Variants in SLC28A1 observed in about 807,000 individuals in gnomAD.
SLC28A1 encodes the protein sodium/nucleoside cotransporter 1.
SLC28A1 carries 64 observed loss-of-function variants against 74.8 expected under a neutral mutation model. That is an observed-to-expected ratio of 0.86 (90% confidence interval 0.70 to 1.05). The LOEUF is 1.05. Among genes scored for constraint, SLC28A1 ranks in the 50% least tolerant of loss-of-function variants. The pLI, the probability that SLC28A1 is intolerant of heterozygous loss-of-function variation, is 0.00. For synonymous variants in SLC28A1, 359 were observed against 335.0 expected, an observed-to-expected ratio of 1.07 and a Z score of -0.78; for missense variants, 828 against 822.8, an observed-to-expected ratio of 1.01 and a Z score of -0.08.
intron 12 of SLC28A1, among the ~76,000 whole-genome samples, chr15:84,932,632 A>G (rs1288234751): frequency 6.6e-6 from 1 of 152,190 alleles, no homozygotes; most frequent in Non-Finnish European, 1.5e-5. Context: ...ACATACCTAC[A>G]CTAAGGTGGA....
chr15:84,888,729 G>A (rs17215899), intron 3 of SLC28A1, 43 bp from the exon 4 acceptor site: 28,828 of 1,415,814 alleles, frequency 0.02, 399 homozygotes, highest in Middle Eastern at 0.035. Flanking sequence ...TCCTGGGGGT[G>A]GGTAAGGGGC....
intron 1 of SLC28A1, among the ~76,000 whole-genome samples, chr15:84,885,396 G>A (rs939071297): frequency 4.6e-5 from 7 of 151,700 alleles, no homozygotes; most frequent in African/African-American, 1.7e-4. Context: ...ATCCCCTATT[G>A]GAAAATGAAT....
intron 12 of SLC28A1, among the ~76,000 whole-genome samples, chr15:84,925,577 G>GCAA (rs1450955755): frequency 6.6e-6 from 1 of 152,110 alleles, no homozygotes; most frequent in Non-Finnish European, 1.5e-5. Context: ...AGTAGCCTGG[G>GCAA]CAACAGAGTG....
Position 84,890,539 on chromosome 15 carries a change from G to A in SLC28A1, c.277+5G>A. 6.2e-7 allele frequency: 1 copy of A among 1,607,804 alleles called. No individual in the cohort carries two copies. The highest frequency in any genetic ancestry group is 8.5e-7 in the Non-Finnish European group (1 of 1,177,464). The stretch of plus-strand genomic sequence containing the variant: ...GCACAGGCCTGCTCTGCACTGGTGA[G>A]CCTGGGGCCCAGCACTACCCAGGAC... On this transcript the variant is annotated splice_donor_5th_base_variant and intron_variant, in intron 5 of 18. Transcript: ENST00000394573.
At position 84,886,579 on chromosome 15, in the gene SLC28A1, G is replaced by T. The variant is rs902740674; in HGVS notation, c.-132-93G>T. On this transcript the variant is annotated intron_variant, in intron 1 of 18. Transcript: ENST00000394573. ...CCTGTATCCCTGAGACCGTGTTGGG[G>T]TCCCCACCCTGGCTGTGGCCCTGGC... is the stretch of plus-strand genomic sequence containing the variant. 7 of 985,388 alleles carry T rather than the reference G, an allele frequency of 7.1e-6. No individual in the cohort carries two copies. In the South Asian group the frequency reaches 1.4e-4, roughly 20 times the overall value. 61.0% of individuals were successfully genotyped at this position (985,388 alleles called of 1,614,324 possible).
At chr15:84,910,518 T>G (rs960049282) in intron 9 of SLC28A1, among the ~76,000 whole-genome samples, 3 of 151,974 alleles carry the variant, frequency 2.0e-5, no homozygotes, top group Admixed American at 6.6e-5. Context: ...CACTTGAGGT[T>G]GGGAGTTTGA....
chr15:84,888,529 G>A (rs1241688669), intron 3 of SLC28A1, among the ~76,000 whole-genome samples: 1 of 152,186 alleles, frequency 6.6e-6, no homozygotes, highest in Non-Finnish European at 1.5e-5. Flanking sequence ...TGGGCCGCAG[G>A]TGTCTGTCCC....
intron 9 of SLC28A1, among the ~76,000 whole-genome samples, chr15:84,917,160 T>C (rs995498689): frequency 4.6e-5 from 7 of 152,124 alleles, no homozygotes; most frequent in African/African-American, 1.7e-4. Flanking sequence ...CTTCTTTCTA[T>C]AATTTTAATA....
intron 15 of SLC28A1, among the ~76,000 whole-genome samples, chr15:84,942,469 G>A (rs1311614300): frequency 6.6e-6 from 1 of 152,110 alleles, no homozygotes; most frequent in Non-Finnish European, 1.5e-5. Context: ...TGGGAAATAG[G>A]ACAGTTGTTA....
chr15:84,958,015 T>C, the SLC28A1 span, among the ~76,000 whole-genome samples: 1 of 152,246 alleles, frequency 6.6e-6, no homozygotes, highest in African/African-American at 2.4e-5. Flanking sequence ...TAGTTTTCAT[T>C]GTACAAGTCT....
intron 4 of SLC28A1, among the ~76,000 whole-genome samples, chr15:84,889,798 C>CT (rs922398827): frequency 1.0e-4 from 14 of 137,240 alleles, no homozygotes; most frequent in African/African-American, 3.5e-4. Context: ...TCTTTCTTTT[C>CT]TTTTTTCTTT....
intron 15 of SLC28A1, chr15:84,941,107 G>A (rs932460526): frequency 2.0e-5 from 3 of 152,446 alleles, no homozygotes; most frequent in South Asian, 4.1e-4. Flanking sequence ...TTTGCCTCTT[G>A]GCTTCTTAGG....
rs796315533 is a variant in SLC28A1 at position 84,906,615 on chromosome 15, T to C, written c.717+963T>C. 8.8e-4 allele frequency among the ~76,000 whole-genome samples: 111 copies of C among 126,584 alleles called. 2 individuals carry two copies. The highest frequency in any genetic ancestry group is 2.9e-3 in the African/African-American group (102 of 34,602). 83.0% of individuals were successfully genotyped at this position (126,584 alleles called of 152,430 possible). On this transcript the variant is annotated intron_variant, in intron 8 of 18. Transcript: ENST00000394573. ...CTTCCTTCCTTCCTTCCTTCCTTCC[T>C]TCCTTCCTTCCCTCCTTCCTTTCTT...
intron 12 of SLC28A1, among the ~76,000 whole-genome samples, chr15:84,928,591 TTTCTTTCTTTC>T (rs1970854222): frequency 6.6e-5 from 1 of 15,096 alleles, no homozygotes. Context: ...TCTTTCTTTC[TTTCTTTCTTTC>T]TTTTCTTTCT....
intron 9 of SLC28A1, among the ~76,000 whole-genome samples, chr15:84,910,868 G>A (rs767451476): frequency 6.6e-6 from 1 of 152,188 alleles, no homozygotes; most frequent in East Asian, 1.9e-4. Context: ...ATAAGAGACC[G>A]TGAGGGAGAC....
intron 6 of SLC28A1, among the ~76,000 whole-genome samples, chr15:84,897,421 C>G (rs940418599): frequency 6.6e-6 from 1 of 151,680 alleles, no homozygotes; most frequent in Admixed American, 6.6e-5. Flanking sequence ...AACAAACAAA[C>G]AAAAATACAC....
chr15:84,950,282 A>G (rs2079371922), downstream of SLC28A1, among the ~76,000 whole-genome samples: 1 of 152,038 alleles, frequency 6.6e-6, no homozygotes, highest in Middle Eastern at 3.2e-3. Context: ...ATTTTAAAAT[A>G]TCAGGCACCA....
At chr15:84,964,578 G>T in the SLC28A1 span, among the ~76,000 whole-genome samples, 1 of 152,298 alleles carries the variant, frequency 6.6e-6, no homozygotes, top group South Asian at 2.1e-4. Context: ...AACTCCAGGG[G>T]TAAGTGGCTC....
chr15:84,896,663 T>C (rs79872428), intron 6 of SLC28A1, among the ~76,000 whole-genome samples: 12 of 152,056 alleles, frequency 7.9e-5, no homozygotes, highest in African/African-American at 2.9e-4. Context: ...AATACAAAAA[T>C]TAGCCAGGCA....
Sources: gnomAD v4.1 joint callset for allele counts (sites outside exome capture counted in the v4.1 genomes callset) on GRCh38, gnomAD v4.1.1 for gene constraint, MANE v1.5 for transcripts, NCBI Gene and HGNC (gene_info 2026-07-23, HGNC 2026-07-21) for gene names.